Variants in MRC2 observed in about 807,000 individuals in gnomAD.
The protein encoded by MRC2 is C-type mannose receptor 2.
In MRC2, 84 loss-of-function variants were observed where a neutral mutation model predicts 206.2. That is an observed-to-expected ratio of 0.41 (90% confidence interval 0.34 to 0.49). MRC2 has a LOEUF of 0.49. Ranked by LOEUF, MRC2 falls within the 20% of genes least tolerant of loss-of-function variation. The pLI, the probability that MRC2 is intolerant of heterozygous loss-of-function variation, is 0.31. For synonymous variants in MRC2, 798 were observed against 800.0 expected (o/e 1.00, Z 0.04); for missense variants, 1,676 against 2,001.5 (o/e 0.84, Z 3.10).
Position 62,688,894 on chromosome 17 carries a change from A to C in MRC2, c.3268A>C (p.Thr1090Pro). ...VVLHSPSAHFTGRWDDRSCTE... is the reference protein window; with the variant it reads ...VVLHSPSAHFPGRWDDRSCTE... The stretch of plus-strand genomic sequence containing the variant: ...CCTGCACAGCCCCTCAGCCCACTTC[A>C]CTGGCCGCTGGGACGATCGGAGCTG... Residue 1090 changes from threonine to proline, a missense_variant, in exon 23 of 30, where the codon ACT (threonine) becomes CCT (proline). Thr to Pro is a conservative substitution (Grantham distance 38). Around this residue, in one of 3 missense-constraint regions of MRC2, gnomAD observed 1,354 missense variants for 1,636.6 expected, o/e 0.83. Transcript: ENST00000303375. 1 of 1,613,432 alleles carries C rather than the reference A, an allele frequency of 6.2e-7. No homozygotes were observed. Among genetic ancestry groups the C allele is most frequent in the Non-Finnish European group, 8.5e-7 (1 of 1,179,968 alleles).
At position 62,627,912 on chromosome 17, in the gene MRC2, C is replaced by A. The variant is rs1252610063; in HGVS notation, c.110C>A (p.Ala37Asp). 6.9e-7 allele frequency: 1 copy of A among 1,456,660 alleles called. No individual in the cohort carries two copies. The allele number at this position is 1,456,660 out of a possible 1,614,324, so 90.2% of individuals were successfully genotyped here. Residue 37 changes from alanine to aspartate, a missense_variant, in exon 1 of 30, where the codon GCC (alanine) becomes GAC (aspartate). Physicochemically the swap from Ala to Asp is moderately radical, Grantham distance 126. Around this residue, in one of 3 missense-constraint regions of MRC2, gnomAD observed 318 missense variants for 346.7 expected, o/e 0.92. Coordinates refer to ENST00000303375, the MANE Select transcript of MRC2 (RefSeq NM_006039.5). Reference protein sequence around the residue: ...LGRPGAPGDAALPEPNVFLIF... With the variant: ...LGRPGAPGDADLPEPNVFLIF... The stretch of plus-strand genomic sequence containing the variant: ...CGTCCCGGCGCCCCTGGGGACGCCG[C>A]CCTCCCGGGTAAGGCGCTGCCAACT...
intron 1 of MRC2, among the ~76,000 whole-genome samples, chr17:62,650,794 G>A (rs867815820): frequency 9.2e-5 from 14 of 152,238 alleles, no homozygotes; most frequent in African/African-American, 2.9e-4. Context: ...CCAGTTTGCC[G>A]GGGGCAGGCC....
chr17:62,677,233 T>C, intron 11 of MRC2, 36 bp from the exon 12 acceptor site: 1 of 1,510,470 alleles, frequency 6.6e-7, no homozygotes, highest in Non-Finnish European at 9.0e-7. Context: ...CTATGAATCC[T>C]TCTCAGAGCC....
At chr17:62,665,034 G>C in intron 2 of MRC2, 85 bp downstream of exon 2, 1 of 1,432,908 alleles carries the variant, frequency 7.0e-7, no homozygotes, top group Non-Finnish European at 9.3e-7. Flanking sequence ...CAGTGACAAG[G>C]CCTTTGGCCT....
At position 62,680,661 on chromosome 17, in the gene MRC2, G is replaced by C. The variant is rs1274380364; in HGVS notation, c.2474-139G>C. The C allele has an allele frequency of 1.6e-6, 2 of 1,286,154 alleles. No individual in the cohort carries two copies. The highest frequency in any genetic ancestry group is 2.1e-6 in the Non-Finnish European group (2 of 964,648). 79.7% of individuals were successfully genotyped at this position (1,286,154 alleles called of 1,614,324 possible). ...AAGCCTGGGGCCTGGGGCCTGGCAC[G>C]GTGCCTGCCTGGGTCCGGTGTGCCT... On this transcript the variant is annotated intron_variant, in intron 16 of 29. Coordinates refer to ENST00000303375, the MANE Select transcript of MRC2 (RefSeq NM_006039.5). The surrounding 1 kb of genome is among the most constrained non-coding windows in gnomAD (Gnocchi z 4.8).
intron 1 of MRC2, among the ~76,000 whole-genome samples, chr17:62,663,635 GA>G (rs2088707135): frequency 6.6e-6 from 1 of 152,126 alleles, no homozygotes; most frequent in Non-Finnish European, 1.5e-5. Flanking sequence ...GCTCAGCGAG[GA>G]GATAGGTGGA....
chr17:62,649,889 T>A (rs1164721062), intron 1 of MRC2, among the ~76,000 whole-genome samples: 1 of 151,228 alleles, frequency 6.6e-6, no homozygotes, highest in Non-Finnish European at 1.5e-5. Flanking sequence ...CATTCTTTTT[T>A]TTTTTTAATT....
At chr17:62,688,710 C>A (rs768925756) in intron 22 of MRC2, 46 bp downstream of exon 22, 1 of 1,602,200 alleles carries the variant, frequency 6.2e-7, no homozygotes, top group South Asian at 1.1e-5. Flanking sequence ...CTGCCCTAAG[C>A]CTGTGGGGCT....
At position 62,692,466 on chromosome 17, in the gene MRC2, G is replaced by A. The variant is rs1174784044; in HGVS notation, c.*15G>A. ...AACAAGAATAGAGCCAGGCGCGTGG[G>A]CAGGGCCAGGGCGGGAGGAGCTGGG... is the stretch of plus-strand genomic sequence containing the variant. On this transcript the variant is annotated 3_prime_UTR_variant, in exon 30 of 30. Coordinates refer to ENST00000303375, the MANE Select transcript of MRC2 (RefSeq NM_006039.5). This position sits in a 1 kb window ranked among gnomAD's most constrained non-coding sequence, Gnocchi z 4.2. 5 of 1,548,898 alleles carry A rather than the reference G, an allele frequency of 3.2e-6. No homozygotes were observed. The highest frequency in any genetic ancestry group is 4.4e-6 in the Non-Finnish European group (5 of 1,145,164).
At position 62,690,000 on chromosome 17, in the gene MRC2, G is replaced by A; in HGVS notation, c.3680G>A (p.Gly1227Glu). The A allele has an allele frequency of 1.2e-6, 2 of 1,612,226 alleles. No homozygotes were observed. The highest frequency in any genetic ancestry group is 1.7e-6 in the Non-Finnish European group (2 of 1,179,574). Residue 1227 changes from glycine (G) to glutamate (E), a missense_variant, in exon 25 of 30, where the codon GGG (glycine) becomes GAG (glutamate). By Grantham distance (98) the Gly-to-Glu change is moderately conservative. Around this residue, in one of 3 missense-constraint regions of MRC2, gnomAD observed 1,354 missense variants for 1,636.6 expected, o/e 0.83. Transcript: ENST00000303375. ...GGCTGTACCTACGTAGATGTGGACG[G>A]GGCCTGGCGCACCACCAGCTGTGAC... The part of the protein sequence containing the change: ...PGGCTYVDVD[G>E]AWRTTSCDTK...
At chr17:62,655,731 A>G (rs944979682) in intron 1 of MRC2, among the ~76,000 whole-genome samples, 3 of 151,850 alleles carry the variant, frequency 2.0e-5, no homozygotes, top group African/African-American at 7.2e-5. Context: ...TAAAAAAAAA[A>G]AAAAAAAGAA....
intron 18 of MRC2, 79 bp from the exon 19 acceptor site, chr17:62,681,758 T>C: frequency 8.9e-7 from 1 of 1,129,234 alleles, no homozygotes; most frequent in Non-Finnish European, 1.3e-6. Flanking sequence ...CCCCCATTCC[T>C]GCGGCCTTCA....
intron 24 of MRC2, 46 bp downstream of exon 24, chr17:62,689,806 TCCCCTCCCTG>T (rs1488786583): frequency 2.0e-6 from 3 of 1,530,044 alleles, no homozygotes; most frequent in Admixed American, 4.0e-5. Flanking sequence ...TTGCCCGGGT[TCCCCTCCCTG>T]CCCCTTCCTG....
chr17:62,691,911 G>A lies in MRC2; in HGVS notation c.4193-201G>A, dbSNP rs117068153. On this transcript the variant is annotated intron_variant, in intron 28 of 29. Coordinates refer to ENST00000303375, the MANE Select transcript of MRC2 (RefSeq NM_006039.5). Reference sequence around the variant, plus strand: ...GAGACCTAGCTGAGTGCAGCATGGCGTTTTCCCTTTCTGGGGGAACCTGAA... The same window carrying A: ...GAGACCTAGCTGAGTGCAGCATGGCATTTTCCCTTTCTGGGGGAACCTGAA... 5.0e-3 allele frequency among the ~76,000 whole-genome samples: 761 copies of A among 152,218 alleles called. 4 individuals are homozygous for A. Among genetic ancestry groups the A allele is most frequent in the Non-Finnish European group, 9.0e-3 (615 of 67,984 alleles).
intron 1 of MRC2, among the ~76,000 whole-genome samples, chr17:62,641,232 G>A (rs1039680340): frequency 6.6e-6 from 1 of 151,380 alleles, no homozygotes; most frequent in Non-Finnish European, 1.5e-5. Context: ...GGCCGAGGTG[G>A]GTGGATCCGG....
At chr17:62,686,828 T>A (rs1413128275) in intron 20 of MRC2, among the ~76,000 whole-genome samples, 1 of 152,212 alleles carries the variant, frequency 6.6e-6, no homozygotes, top group Non-Finnish European at 1.5e-5. Flanking sequence ...TGAAACTACT[T>A]CTGTGAAACC....
chr17:62,642,476 T>G (rs2088419193), intron 1 of MRC2, among the ~76,000 whole-genome samples: 1 of 152,198 alleles, frequency 6.6e-6, no homozygotes, highest in Non-Finnish European at 1.5e-5. Flanking sequence ...TGAGATGAAG[T>G]CTCACTGTCA....
intron 1 of MRC2, among the ~76,000 whole-genome samples, chr17:62,655,562 C>T (rs2088608585): frequency 6.7e-6 from 1 of 150,132 alleles, no homozygotes; most frequent in Admixed American, 6.6e-5. Flanking sequence ...AACAAACAAA[C>T]AACAATTAGC....
Position 62,680,705 on chromosome 17 carries a change from G to T in MRC2, c.2474-95G>T, listed in dbSNP as rs1438718742. ...TGTGCCTGCAGGCTCGCCTGCTGCC[G>T]CCTGGCTCTGCCCCGGCCCTGCCGC... On this transcript the variant is annotated intron_variant, in intron 16 of 29. Transcript: ENST00000303375. The surrounding 1 kb of genome is among the most constrained non-coding windows in gnomAD (Gnocchi z 4.8). 99 of 1,374,134 alleles carry T rather than the reference G, an allele frequency of 7.2e-5. No individual in the cohort carries two copies. The highest frequency in any genetic ancestry group is 9.2e-5 in the Non-Finnish European group (97 of 1,059,428). 85.1% of individuals were successfully genotyped at this position (1,374,134 alleles called of 1,614,324 possible).
Sources: gnomAD v4.1 joint callset for allele counts (sites outside exome capture counted in the v4.1 genomes callset) on GRCh38, gnomAD v4.1.1 for gene constraint, gnomAD v4.1.1 regional missense constraint, Gnocchi (gnomAD v3.1) non-coding constraint, MANE v1.5 for transcripts, NCBI Gene and HGNC (gene_info 2026-07-23, HGNC 2026-07-21) for gene names.